ZNF136: variants seen among roughly 807,000 people sequenced by gnomAD.
The protein encoded by ZNF136 is zinc finger protein 136, also known as zinc finger protein 136 (clone pHZ-20).
A neutral mutation model predicts 11.4 loss-of-function variants in ZNF136; 8 were observed. The observed-to-expected ratio is 0.70, with a 90% CI of 0.41 to 1.27. The LOEUF (loss-of-function observed/expected upper bound fraction) is 1.27, where lower values mean the gene tolerates loss of function less well. Ranked by LOEUF, ZNF136 falls within the 50% of genes most tolerant of loss-of-function variation. ZNF136 has a pLI of 0.01. For synonymous variants in ZNF136, 190 were observed against 207.1 expected, an observed-to-expected ratio of 0.92 and a Z score of 0.71; for missense variants, 590 against 656.5, an observed-to-expected ratio of 0.90 and a Z score of 1.11.
chr19:12,167,722 C>A (rs868688891), intron 1 of ZNF136, among the ~76,000 whole-genome samples: 1 of 152,174 alleles, frequency 6.6e-6, no homozygotes, highest in Non-Finnish European at 1.5e-5. Flanking sequence ...TGCCTGCCAC[C>A]ACACCCCGTC....
At chr19:12,179,598 A>G (rs1362228482) in intron 1 of ZNF136, among the ~76,000 whole-genome samples, 1 of 152,152 alleles carries the variant, frequency 6.6e-6, no homozygotes, top group Non-Finnish European at 1.5e-5. Context: ...GGCGTGAGCC[A>G]CCACACCCAG....
chr19:12,179,303 CT>C (rs908778785), intron 1 of ZNF136, among the ~76,000 whole-genome samples: 98 of 141,306 alleles, frequency 6.9e-4, no homozygotes, highest in East Asian at 8.2e-4. Flanking sequence ...AAAAGAATTT[CT>C]TTTTTTTTTT....
intron 1 of ZNF136, among the ~76,000 whole-genome samples, chr19:12,167,355 G>A (rs888204102): frequency 6.6e-6 from 1 of 152,196 alleles, no homozygotes; most frequent in Non-Finnish European, 1.5e-5. Context: ...TTTAAGGAAT[G>A]TTTGGTTAAC....
At chr19:12,166,818 A>T (rs1160443978) in intron 1 of ZNF136, among the ~76,000 whole-genome samples, 2 of 151,676 alleles carry the variant, frequency 1.3e-5, no homozygotes, top group African/African-American at 2.4e-5. Flanking sequence ...GTCATTAAAC[A>T]TGGGTATTTT....
chr19:12,172,836 A>G (rs1342623557), intron 1 of ZNF136, among the ~76,000 whole-genome samples: 1 of 152,032 alleles, frequency 6.6e-6, no homozygotes, highest in African/African-American at 2.4e-5. Context: ...ACATGGCGAA[A>G]CCCTGTCTCT....
Position 12,185,479 on chromosome 19 carries a change from G to A in ZNF136, c.4-306G>A, listed in dbSNP as rs17001839. 1.8e-3 allele frequency: 405 copies of A among 229,652 alleles called. 3 individuals carry two copies. Among genetic ancestry groups the A allele is most frequent in the African/African-American group, 8.7e-3 (378 of 43,328 alleles). The allele number at this position is 229,652 out of a possible 1,614,324, so 14.2% of individuals were successfully genotyped here. The stretch of plus-strand genomic sequence containing the variant: ...TATAAACTCTTTTGCATAGTAGGTG[G>A]TAGGACTTCGTTATGACAGGTTCTA... On this transcript the variant is annotated intron_variant, in intron 1 of 3. Coordinates refer to ENST00000343979, the MANE Select transcript of ZNF136 (RefSeq NM_003437.5).
At chr19:12,183,560 TATCTATC>T (rs1568403131) in intron 1 of ZNF136, among the ~76,000 whole-genome samples, 2 of 128,016 alleles carry the variant, frequency 1.6e-5, no homozygotes, top group African/African-American at 6.0e-5. Flanking sequence ...TCTATCTATC[TATCTATC>T]TATCTATCTA....
At chr19:12,168,304 C>T (rs1190204035) in intron 1 of ZNF136, among the ~76,000 whole-genome samples, 1 of 151,884 alleles carries the variant, frequency 6.6e-6, no homozygotes, top group Non-Finnish European at 1.5e-5. Context: ...CAATTCCTGA[C>T]CTCAGGTGAT....
intron 2 of ZNF136, 43 bp from the exon 3 acceptor site, chr19:12,186,071 T>C: frequency 6.3e-7 from 1 of 1,593,198 alleles, no homozygotes. Context: ...AATTTTTCTA[T>C]AATTTTGCAC....
At chr19:12,178,639 T>G (rs1275697495) in intron 1 of ZNF136, among the ~76,000 whole-genome samples, 1 of 152,208 alleles carries the variant, frequency 6.6e-6, no homozygotes, top group Non-Finnish European at 1.5e-5. Flanking sequence ...TCCATTGCAA[T>G]CATGGATCAG....
chr19:12,165,655 T>TG (rs1292855220), intron 1 of ZNF136, among the ~76,000 whole-genome samples: 1 of 152,228 alleles, frequency 6.6e-6, no homozygotes, highest in Non-Finnish European at 1.5e-5. Context: ...AAATCTTTGA[T>TG]GGTCTGTGTC....
At chr19:12,173,785 A>G (rs1355950126) in intron 1 of ZNF136, among the ~76,000 whole-genome samples, 1 of 152,192 alleles carries the variant, frequency 6.6e-6, no homozygotes. Context: ...GTGTGGGGTC[A>G]GTCTCGTAGG....
At chr19:12,185,715 G>T in intron 1 of ZNF136, 70 bp from the exon 2 acceptor site, 1 of 1,553,652 alleles carries the variant, frequency 6.4e-7, no homozygotes, top group Non-Finnish European at 8.7e-7. Context: ...AACTTCTTAT[G>T]AATTGAGTAC....
At position 12,188,092 on chromosome 19, in the gene ZNF136, G is replaced by A; in HGVS notation, c.*91G>A. On this transcript the variant is annotated 3_prime_UTR_variant, in exon 4 of 4. Transcript: ENST00000343979. ...CGTGGGAAAGCATGAAATTCTGTCA[G>A]TGCCTTTTTTAATACATGAAAGAAT... is the stretch of plus-strand genomic sequence containing the variant. 1 of 1,165,164 alleles carries A rather than the reference G, an allele frequency of 8.6e-7. No homozygotes were observed. Among genetic ancestry groups the A allele is most frequent in the Non-Finnish European group, 1.2e-6 (1 of 868,146 alleles). 72.2% of individuals were successfully genotyped at this position (1,165,164 alleles called of 1,614,324 possible).
At chr19:12,163,621 C>T (rs1481258601) in intron 1 of ZNF136, 2 of 192,480 alleles carry the variant, frequency 1.0e-5, no homozygotes, top group Non-Finnish European at 2.1e-5. Context: ...CAAATCCTCA[C>T]TCTGTCCCCC....
At position 12,172,229 on chromosome 19, in the gene ZNF136, G is replaced by A. The variant is rs180695673; in HGVS notation, c.3+9023G>A. Among the ~76,000 whole-genome samples, 189 of 152,172 alleles carry A rather than the reference G, an allele frequency of 1.2e-3. 7 individuals are homozygous for A. The South Asian group carries it at 0.021, about 17-fold the overall frequency. ...CTCCCAACATGCTGGGATTACAGAC[G>A]TGAGCCACTGTGCCTGGCTGCTTTT... is the stretch of plus-strand genomic sequence containing the variant. On this transcript the variant is annotated intron_variant, in intron 1 of 3. Transcript: ENST00000343979.
chr19:12,173,228 C>G (rs773223822), intron 1 of ZNF136, among the ~76,000 whole-genome samples: 1 of 152,120 alleles, frequency 6.6e-6, no homozygotes. Context: ...GAAGGAAGCA[C>G]AGAGGCTAAG....
chr19:12,187,020 TGAAA>T lies in ZNF136; in HGVS notation c.646_649del (p.Arg216ValfsTer27). ...ATTATCCCAGTAGATTTCGAACACA[TGAAA>T]GAAGTCACACTGGAGAGAAACCCTA... On this transcript the variant is annotated frameshift_variant, in exon 4 of 4. Coordinates refer to ENST00000343979, the MANE Select transcript of ZNF136 (RefSeq NM_003437.5). LOFTEE classifies it low-confidence loss of function (END_TRUNC). 3.7e-6 allele frequency: 6 copies of T among 1,614,086 alleles called. No individual in the cohort carries two copies. Among genetic ancestry groups the T allele is most frequent in the Non-Finnish European group, 5.1e-6 (6 of 1,179,990 alleles).
chr19:12,169,639 C>T (rs990766893), intron 1 of ZNF136, among the ~76,000 whole-genome samples: 5 of 150,020 alleles, frequency 3.3e-5, no homozygotes, highest in Non-Finnish European at 7.4e-5. Flanking sequence ...GACGGACTCT[C>T]GCTCTGTTGC....
Sources: allele counts gnomAD v4.1 joint callset (sites outside exome capture counted in the v4.1 genomes callset), GRCh38; gene constraint gnomAD v4.1.1; transcripts MANE v1.5; gene names NCBI Gene and HGNC (gene_info 2026-07-23, HGNC 2026-07-21).